TNIP3: variants seen among roughly 807,000 people sequenced by gnomAD.
TNIP3 encodes the protein TNFAIP3-interacting protein 3.
Under a neutral mutation model 54.1 loss-of-function variants are expected in TNIP3, and 34 were observed. The observed-to-expected ratio is 0.63, with a 90% CI of 0.48 to 0.84. The LOEUF is 0.84. TNIP3 is among the 40% of genes least tolerant of loss of function. TNIP3 has a pLI of 0.00. For synonymous variants in TNIP3, 134 were observed against 136.8 expected, an observed-to-expected ratio of 0.98 and a Z score of 0.14; for missense variants, 366 against 387.6, an observed-to-expected ratio of 0.94 and a Z score of 0.47.
At chr4:121,184,231 G>C (rs1724880176) in intron 2 of TNIP3, among the ~76,000 whole-genome samples, 1 of 152,008 alleles carries the variant, frequency 6.6e-6, no homozygotes. Flanking sequence ...GTTCTTGCAG[G>C]AGTACTTCTC....
rs142513096 is a variant in TNIP3 at position 121,173,794 on chromosome 4, A to G, written c.189+8882T>C. On this transcript the variant is annotated intron_variant, in intron 3 of 12. Coordinates refer to the TNIP3 transcript ENST00000507879. ...CAGGTGTGTGTCACCATGCCCAGCT[A>G]ATTTTTTTGTAATTTTAGTAGAGGT... Among the ~76,000 whole-genome samples the G allele has an allele frequency of 1.6e-3, 243 of 152,156 alleles. 2 individuals carry two copies. The highest frequency in any genetic ancestry group is 6.8e-3 in the Middle Eastern group (2 of 294).
At chr4:121,137,583 T>A (rs1728864219) in intron 10 of TNIP3, 1 of 177,800 alleles carries the variant, frequency 5.6e-6, no homozygotes, top group Non-Finnish European at 1.2e-5. Flanking sequence ...GTATTGTACT[T>A]CAGCAGGCTC....
At chr4:121,165,386 C>T (rs1466434394), upstream of TNIP3, among the ~76,000 whole-genome samples, 1 of 152,038 alleles carries the variant, frequency 6.6e-6, no homozygotes, top group Non-Finnish European at 1.5e-5. Flanking sequence ...TGTCTCCTCT[C>T]TGGGCCCTCC....
intron 2 of TNIP3, among the ~76,000 whole-genome samples, chr4:121,207,033 G>A (rs1726229408): frequency 6.6e-6 from 1 of 152,156 alleles, no homozygotes; most frequent in Non-Finnish European, 1.5e-5. Flanking sequence ...AATGTGATCA[G>A]GTAGACGAAA....
rs1728540715 is a variant in TNIP3, at chr4:121,132,644, T to C, written c.965A>G (p.Lys322Arg). 1 of 1,613,190 alleles carries C rather than the reference T, an allele frequency of 6.2e-7. No individual in the cohort carries two copies. Among genetic ancestry groups the C allele is most frequent in the African/African-American group, 1.3e-5 (1 of 75,018 alleles). Residue 322 changes from lysine (K) to arginine (R), a missense_variant, in exon 11 of 11, where the codon AAA (lysine) becomes AGA (arginine). Coordinates refer to ENST00000057513, the MANE Select transcript of TNIP3 (RefSeq NM_024873.6). Reference sequence around the variant, plus strand: ...TAGTGTGTACTTCTACGGATGGACTTTCTTTACTGAGGATAAACCTATGGA... The same window carrying C: ...TAGTGTGTACTTCTACGGATGGACTCTCTTTACTGAGGATAAACCTATGGA... ...HKANGLSSVK[K>R]VHP is the part of the protein sequence containing the mutation.
intron 1 of TNIP3, chr4:121,227,289 G>T: frequency 9.1e-7 from 1 of 1,097,824 alleles, no homozygotes; most frequent in Non-Finnish European, 1.3e-6. Flanking sequence ...TTTTTAATAT[G>T]AGAACTTTAT....
upstream of TNIP3, among the ~76,000 whole-genome samples, chr4:121,218,251 T>C (rs1579511137): frequency 6.6e-6 from 1 of 152,186 alleles, no homozygotes; most frequent in South Asian, 2.1e-4. Context: ...AAAAATGGCA[T>C]GTGCAAAGGG....
chr4:121,145,537 T>C (rs1473396523), intron 7 of TNIP3, among the ~76,000 whole-genome samples: 1 of 151,576 alleles, frequency 6.6e-6, no homozygotes, highest in Non-Finnish European at 1.5e-5. Context: ...GACTAAAAGT[T>C]CTGTAATGGC....
At chr4:121,221,236 A>C (rs1727012443), upstream of TNIP3, among the ~76,000 whole-genome samples, 5 of 152,304 alleles carry the variant, frequency 3.3e-5, no homozygotes, top group South Asian at 8.3e-4. Context: ...TAATATCTTT[A>C]ATATTCAGTC....
chr4:121,221,039 C>T (rs1727005252), upstream of TNIP3, among the ~76,000 whole-genome samples: 1 of 152,042 alleles, frequency 6.6e-6, no homozygotes, highest in Admixed American at 6.6e-5. Flanking sequence ...ACATAATGCT[C>T]TTTAAAAATT....
intron 2 of TNIP3, among the ~76,000 whole-genome samples, chr4:121,211,230 G>C (rs1432101211): frequency 6.6e-6 from 1 of 152,122 alleles, no homozygotes; most frequent in Non-Finnish European, 1.5e-5. Context: ...TAACAGAGCA[G>C]AATATTTAGA....
At chr4:121,185,138 G>C (rs17051310) in intron 2 of TNIP3, among the ~76,000 whole-genome samples, 2 of 152,150 alleles carry the variant, frequency 1.3e-5, no homozygotes, top group Non-Finnish European at 2.9e-5. Context: ...AACTCATCAC[G>C]ATCTACAAGT....
At chr4:121,135,627 A>G (rs1034856455) in intron 10 of TNIP3, among the ~76,000 whole-genome samples, 2 of 152,026 alleles carry the variant, frequency 1.3e-5, no homozygotes, top group African/African-American at 4.8e-5. Flanking sequence ...TTGAACTCCT[A>G]GGCTCAAGCA....
chr4:121,222,748 T>C (rs910267277), intron 1 of TNIP3, among the ~76,000 whole-genome samples: 2 of 151,972 alleles, frequency 1.3e-5, no homozygotes, highest in African/African-American at 4.8e-5. Context: ...AGTTATTAAT[T>C]GTTGGTTGTT....
intron 3 of TNIP3, among the ~76,000 whole-genome samples, chr4:121,177,904 A>G (rs1234987493): frequency 6.6e-6 from 1 of 152,208 alleles, no homozygotes; most frequent in African/African-American, 2.4e-5. Context: ...GCAGAGGACA[A>G]TTGAGGAGGA....
chr4:121,173,577 ACT>A (rs1337789363), intron 3 of TNIP3, among the ~76,000 whole-genome samples: 4 of 152,014 alleles, frequency 2.6e-5, no homozygotes, highest in Non-Finnish European at 5.9e-5. Context: ...AATGCAGATC[ACT>A]CTGTTTTTCT....
At chr4:121,205,325 T>C (rs77311966) in intron 2 of TNIP3, among the ~76,000 whole-genome samples, 3,306 of 152,218 alleles carry the variant, frequency 0.022, 77 homozygotes, top group Admixed American at 0.035. Context: ...GTGTGGTTTT[T>C]CCAACATACA....
chr4:121,141,898 CAGG>C lies in TNIP3; in HGVS notation c.800_802del (p.Pro267_Cys268delinsArg). On this transcript the variant is annotated inframe_deletion, in exon 9 of 11. Coordinates refer to ENST00000057513, the MANE Select transcript of TNIP3 (RefSeq NM_024873.6). ...CAGGTGGAAAACCAAGCCGCAGTTA[CAGG>C]GTGGGCAATACATCTGAGGAGAACA... is the stretch of plus-strand genomic sequence containing the variant. 6.3e-7 allele frequency: 1 copy of C among 1,598,326 alleles called. No individual in the cohort carries two copies. The highest frequency in any genetic ancestry group is 8.5e-7 in the Non-Finnish European group (1 of 1,172,590).
At chr4:121,181,030 G>A (rs577350334) in intron 3 of TNIP3, among the ~76,000 whole-genome samples, 23 of 152,282 alleles carry the variant, frequency 1.5e-4, no homozygotes, top group African/African-American at 5.1e-4. Flanking sequence ...CAATGAGGTC[G>A]TAGGAAAATC....
Sources: gnomAD v4.1 joint callset for allele counts (sites outside exome capture counted in the v4.1 genomes callset) on GRCh38, gnomAD v4.1.1 for gene constraint, MANE v1.5 for transcripts, NCBI Gene and HGNC (gene_info 2026-07-23, HGNC 2026-07-21) for gene names.